The following GPR158 variants were observed in gnomAD, a reference collection of about 807,000 sequenced individuals.
GPR158 encodes the protein metabotropic glycine receptor.
GPR158 carries 30 observed loss-of-function variants against 78.2 expected under a neutral mutation model. That is an observed-to-expected ratio of 0.38 (90% CI 0.29 to 0.52). The LOEUF (loss-of-function observed/expected upper bound fraction) is 0.52, where lower values mean the gene tolerates loss of function less well. Ranked by LOEUF, GPR158 falls within the 20% of genes least tolerant of loss-of-function variation. The probability of loss-of-function intolerance (pLI) is 0.83; values close to 1 mark genes in which losing one functional copy is unlikely to be tolerated. For missense variants in GPR158, 1,463 were observed against 1,523.5 expected (o/e 0.96, Z 0.66); for synonymous variants, 581 against 591.1 (o/e 0.98, Z 0.25).
At chr10:25,272,774 G>A (rs1405794927) in intron 2 of GPR158, among the ~76,000 whole-genome samples, 1 of 152,120 alleles carries the variant, frequency 6.6e-6, no homozygotes, top group African/African-American at 2.4e-5. Flanking sequence ...GAAAAACGTT[G>A]GCTGCTTTTG....
chr10:25,554,172 G>A (rs1836759330), intron 6 of GPR158, among the ~76,000 whole-genome samples: 1 of 152,162 alleles, frequency 6.6e-6, no homozygotes, highest in East Asian at 1.9e-4. Flanking sequence ...AGTAACCCAA[G>A]CTAAGGGATA....
At chr10:25,466,854 T>C in intron 5 of GPR158, 135 bp downstream of exon 5, 1 of 466,112 alleles carries the variant, frequency 2.1e-6, no homozygotes. Context: ...TTGGCTCTTG[T>C]CTTACTTGAA....
intron 4 of GPR158, among the ~76,000 whole-genome samples, chr10:25,455,439 A>T (rs1415803020): frequency 1.3e-5 from 2 of 152,098 alleles, no homozygotes; most frequent in East Asian, 3.9e-4. Flanking sequence ...TTAATTTTTC[A>T]GTAATTCTCT....
At chr10:25,383,911 G>A (rs903754231) in intron 2 of GPR158, among the ~76,000 whole-genome samples, 1 of 152,362 alleles carries the variant, frequency 6.6e-6, no homozygotes, top group South Asian at 2.1e-4. Flanking sequence ...GGCTCAGCCA[G>A]TTGCTAGCTG....
chr10:25,222,815 A>G (rs1327525477), intron 2 of GPR158, among the ~76,000 whole-genome samples: 1 of 152,138 alleles, frequency 6.6e-6, no homozygotes, highest in Non-Finnish European at 1.5e-5. Context: ...GCCTTGTGTT[A>G]GTGGTGCTCC....
chr10:25,560,764 T>C (rs1337857978), intron 6 of GPR158, among the ~76,000 whole-genome samples: 1 of 152,194 alleles, frequency 6.6e-6, no homozygotes, highest in Non-Finnish European at 1.5e-5. Flanking sequence ...TCTTAATCTA[T>C]AATAGTATGC....
chr10:25,347,049 G>A (rs1385292564), intron 2 of GPR158, among the ~76,000 whole-genome samples: 2 of 151,862 alleles, frequency 1.3e-5, no homozygotes, highest in Non-Finnish European at 2.9e-5. Context: ...ATTAACTGAG[G>A]TGTTTGCAAA....
At chr10:25,541,004 A>G (rs1396882362) in intron 5 of GPR158, among the ~76,000 whole-genome samples, 2 of 149,346 alleles carry the variant, frequency 1.3e-5, no homozygotes, top group Non-Finnish European at 3.0e-5. Context: ...CTACACCTAC[A>G]TGAAATAGCT....
intron 5 of GPR158, among the ~76,000 whole-genome samples, chr10:25,502,038 TCTC>T (rs2130658973): frequency 6.6e-6 from 1 of 152,222 alleles, no homozygotes; most frequent in African/African-American, 2.4e-5. Flanking sequence ...AATCTGCTAC[TCTC>T]CTCCTGGGTG....
At chr10:25,478,059 GTCA>G (rs2130632291) in intron 5 of GPR158, among the ~76,000 whole-genome samples, 1 of 152,280 alleles carries the variant, frequency 6.6e-6, no homozygotes, top group South Asian at 2.1e-4. Context: ...GGGAGTGGCT[GTCA>G]TCATGTAAAG....
At chr10:25,582,637 G>A (rs371124592) in intron 7 of GPR158, among the ~76,000 whole-genome samples, 1 of 152,232 alleles carries the variant, frequency 6.6e-6, no homozygotes, top group South Asian at 2.1e-4. Context: ...ATGATTGACT[G>A]TGTTACTCCC....
chr10:25,595,686 A>T (rs1201917175), intron 9 of GPR158, among the ~76,000 whole-genome samples: 1 of 152,242 alleles, frequency 6.6e-6, no homozygotes, highest in African/African-American at 2.4e-5. Flanking sequence ...GGGCAAATCT[A>T]TAGAAACATA....
chr10:25,417,658 G>A (rs762181199), intron 4 of GPR158, among the ~76,000 whole-genome samples: 1 of 152,180 alleles, frequency 6.6e-6, no homozygotes, highest in Non-Finnish European at 1.5e-5. Flanking sequence ...ACAGTTGATT[G>A]TGAAGCTATG....
chr10:25,589,158 T>C lies in GPR158; in HGVS notation c.1892+13T>C, dbSNP rs1273711160. The C allele has an allele frequency of 3.2e-6, 5 of 1,564,392 alleles. No individual in the cohort carries two copies. The highest frequency in any genetic ancestry group is 4.4e-6 in the Non-Finnish European group (5 of 1,144,416). On this transcript the variant is annotated intron_variant, in intron 8 of 10. Coordinates refer to ENST00000376351, the MANE Select transcript of GPR158 (RefSeq NM_020752.3). Reference sequence around the variant, plus strand: ...TCCATACAATTAGGCAAGTGATCTGTAGAGCTAGTAAATAACTATTTTATT... The same window carrying C: ...TCCATACAATTAGGCAAGTGATCTGCAGAGCTAGTAAATAACTATTTTATT...
intron 7 of GPR158, among the ~76,000 whole-genome samples, chr10:25,574,454 A>C (rs1388619141): frequency 6.6e-6 from 1 of 152,210 alleles, no homozygotes; most frequent in Non-Finnish European, 1.5e-5. Flanking sequence ...GGTGGTGAAG[A>C]TTCTTGGTGC....
intron 4 of GPR158, among the ~76,000 whole-genome samples, chr10:25,437,446 G>A (rs1433642712): frequency 3.3e-5 from 5 of 151,990 alleles, no homozygotes; most frequent in Admixed American, 2.0e-4. Context: ...GGCTGGTCTC[G>A]AACTCCTGGG....
chr10:25,393,317 A>G (rs1205441001), intron 2 of GPR158, among the ~76,000 whole-genome samples: 1 of 152,224 alleles, frequency 6.6e-6, no homozygotes, highest in Admixed American at 6.5e-5. Flanking sequence ...AATGAATAGC[A>G]TTAACCTCTG....
chr10:25,557,121 A>G (rs2130717778), intron 6 of GPR158, among the ~76,000 whole-genome samples: 1 of 152,356 alleles, frequency 6.6e-6, no homozygotes, highest in South Asian at 2.1e-4. Context: ...GGAATGCACC[A>G]CAAAGACCCA....
chr10:25,301,478 T>C (rs1854593130), intron 2 of GPR158, among the ~76,000 whole-genome samples: 1 of 152,092 alleles, frequency 6.6e-6, no homozygotes, highest in Non-Finnish European at 1.5e-5. Context: ...AGAAAAGGGA[T>C]AGAGTAAGTT....
Sources: gnomAD v4.1 joint callset for allele counts (sites outside exome capture counted in the v4.1 genomes callset) on GRCh38, gnomAD v4.1.1 for gene constraint, MANE v1.5 for transcripts, NCBI Gene and HGNC (gene_info 2026-07-23, HGNC 2026-07-21) for gene names.